The following RGS6 variants were observed in gnomAD, a reference collection of about 807,000 sequenced individuals.
The protein encoded by RGS6 is regulator of G-protein signaling 6.
In RGS6, 30 loss-of-function variants were observed where a neutral mutation model predicts 78.5. The observed-to-expected ratio is 0.38, with a 90% CI of 0.29 to 0.52. The LOEUF is 0.52. Ranked by LOEUF, RGS6 falls within the 20% of genes least tolerant of loss-of-function variation. RGS6 has a pLI of 0.85. For synonymous variants in RGS6, 206 were observed against 206.0 expected, an observed-to-expected ratio of 1.00 and a Z score of 0.00; for missense variants, 495 against 609.7, an observed-to-expected ratio of 0.81 and a Z score of 1.98.
chr14:72,060,313 A>T (rs1394391122), intron 2 of RGS6, among the ~76,000 whole-genome samples: 1 of 150,986 alleles, frequency 6.6e-6, no homozygotes, highest in African/African-American at 2.4e-5. Flanking sequence ...CTCTTCATTT[A>T]CATAATTGCT....
intron 2 of RGS6, among the ~76,000 whole-genome samples, chr14:72,102,871 C>T (rs779582492): frequency 6.6e-6 from 1 of 152,012 alleles, no homozygotes; most frequent in Non-Finnish European, 1.5e-5. Flanking sequence ...TCTACTCGTT[C>T]GTGAAATCAC....
chr14:72,462,746 C>G (rs1266671473), intron 6 of RGS6, among the ~76,000 whole-genome samples: 1 of 152,210 alleles, frequency 6.6e-6, no homozygotes, highest in Non-Finnish European at 1.5e-5. Flanking sequence ...CCATCTCCAT[C>G]ACTAACTAGC....
the RGS6 span, among the ~76,000 whole-genome samples, chr14:72,573,871 G>A: frequency 6.6e-6 from 1 of 152,210 alleles, no homozygotes; most frequent in Non-Finnish European, 1.5e-5. Flanking sequence ...ACGCACGACT[G>A]TGAGCTGATC....
intron 3 of RGS6, among the ~76,000 whole-genome samples, chr14:72,417,325 C>T (rs777378874): frequency 1.3e-5 from 2 of 152,178 alleles, no homozygotes; most frequent in Non-Finnish European, 2.9e-5. Context: ...TAGGAGGGTT[C>T]AGTCCTTCAT....
In RGS6 at chr14:72,458,264, C is replaced by A; in HGVS notation, c.236-7C>A. 6.2e-7 allele frequency: 1 copy of A among 1,607,036 alleles called. No homozygotes were observed. Among genetic ancestry groups the A allele is most frequent in the Non-Finnish European group, 8.5e-7 (1 of 1,173,786 alleles). On this transcript the variant is annotated splice_region_variant and splice_polypyrimidine_tract_variant and intron_variant, in intron 4 of 17. Transcript: ENST00000553525. ...ATTCCTTCTCTCTCTATGCACTGTTCTTACAGTTGAAGCAATACACTTGGG... is the reference window on the plus strand; with the variant it reads ...ATTCCTTCTCTCTCTATGCACTGTTATTACAGTTGAAGCAATACACTTGGG...
At chr14:72,503,209 CA>C (rs1267184864) in intron 13 of RGS6, among the ~76,000 whole-genome samples, 9 of 152,138 alleles carry the variant, frequency 5.9e-5, no homozygotes, top group Non-Finnish European at 1.3e-4. Flanking sequence ...AATTACCTCC[CA>C]AAGGCTTCAC....
chr14:72,484,931 AT>A (rs550497245), intron 12 of RGS6, among the ~76,000 whole-genome samples: 37,082 of 117,938 alleles, frequency 0.31, 4,662 homozygotes, highest in East Asian at 0.58. Flanking sequence ...CATCTGGTAG[AT>A]TTTTTTTTTT....
At chr14:72,122,453 C>T (rs1003207780) in intron 2 of RGS6, among the ~76,000 whole-genome samples, 1 of 152,204 alleles carries the variant, frequency 6.6e-6, no homozygotes, top group Non-Finnish European at 1.5e-5. Flanking sequence ...CAAAGTCACA[C>T]AGCCAGTATG....
chr14:72,276,724 A>G (rs1209586468), intron 2 of RGS6, among the ~76,000 whole-genome samples: 1 of 152,156 alleles, frequency 6.6e-6, no homozygotes, highest in Admixed American at 6.5e-5. Context: ...GCCATGTAAG[A>G]TATTCCTTGC....
At chr14:72,362,584 G>C (rs567707917) in intron 3 of RGS6, among the ~76,000 whole-genome samples, 1 of 152,268 alleles carries the variant, frequency 6.6e-6, no homozygotes, top group South Asian at 2.1e-4. Context: ...TCTTCTCCAT[G>C]TCACCTTGTA....
chr14:72,048,294 T>C (rs758862198), intron 2 of RGS6, among the ~76,000 whole-genome samples: 6 of 152,212 alleles, frequency 3.9e-5, no homozygotes, highest in Non-Finnish European at 5.9e-5. Flanking sequence ...TTAGAATTTT[T>C]CCAAGATTAT....
intron 2 of RGS6, among the ~76,000 whole-genome samples, chr14:72,323,981 A>ACAT (rs2072967222): frequency 6.6e-6 from 1 of 152,018 alleles, no homozygotes; most frequent in Non-Finnish European, 1.5e-5. Flanking sequence ...TGTAATCATC[A>ACAT]CATTAGGGTA....
the RGS6 span, among the ~76,000 whole-genome samples, chr14:71,885,694 C>T: frequency 2.0e-5 from 3 of 152,158 alleles, no homozygotes; most frequent in Non-Finnish European, 4.4e-5. Context: ...AATAATACAG[C>T]GTTCAGTGCA....
chr14:72,453,062 A>C (rs1160369770), intron 3 of RGS6, among the ~76,000 whole-genome samples: 1 of 152,196 alleles, frequency 6.6e-6, no homozygotes, highest in East Asian at 1.9e-4. Context: ...GAATAGCTGA[A>C]GGGCTGTCGC....
At chr14:72,376,939 T>C (rs969667601) in intron 3 of RGS6, among the ~76,000 whole-genome samples, 2 of 151,920 alleles carry the variant, frequency 1.3e-5, no homozygotes, top group African/African-American at 4.8e-5. Context: ...AGAAAAAGAA[T>C]CAGACCATAT....
intron 2 of RGS6, among the ~76,000 whole-genome samples, chr14:72,146,457 A>G (rs967044654): frequency 6.6e-6 from 1 of 152,222 alleles, no homozygotes; most frequent in East Asian, 1.9e-4. Flanking sequence ...CCATAGTCTC[A>G]TCTAAATCAG....
At chr14:71,972,569 T>A (rs2093876937) in intron 2 of RGS6, among the ~76,000 whole-genome samples, 6 of 152,044 alleles carry the variant, frequency 3.9e-5, no homozygotes, top group Admixed American at 3.9e-4. Context: ...TTGTCCAAAG[T>A]GGAGGATGGG....
chr14:72,517,584 T>G (rs1316164371), intron 14 of RGS6, among the ~76,000 whole-genome samples: 1 of 152,250 alleles, frequency 6.6e-6, no homozygotes, highest in Non-Finnish European at 1.5e-5. Context: ...CAGAGAAGTT[T>G]TCAACATATG....
In RGS6 at chr14:71,967,189, G is replaced by GTATATATATATATATATATATA. The variant is rs10571406; in HGVS notation, c.84+2335_84+2336insATATATATATATATATATATAT. Among the ~76,000 whole-genome samples, 326 of 145,738 alleles carry GTATATATATATATATATATATA rather than the reference G, an allele frequency of 2.2e-3. 1 individual carries two copies. Among genetic ancestry groups the GTATATATATATATATATATATA allele is most frequent in the African/African-American group, 7.8e-3 (304 of 38,766 alleles). ...TTCGTGTGACAAACTTGTGTAAAGAGTATATATATATATATATATATGTTC... is the reference window on the plus strand; with the variant it reads ...TTCGTGTGACAAACTTGTGTAAAGAGTATATATATATATATATATATATATATATATATATATATATATGTTC... On this transcript the variant is annotated intron_variant, in intron 2 of 17. Transcript: ENST00000553525.
Sources: allele counts gnomAD v4.1 joint callset (sites outside exome capture counted in the v4.1 genomes callset), GRCh38; gene constraint gnomAD v4.1.1; transcripts MANE v1.5; gene names NCBI Gene and HGNC (gene_info 2026-07-23, HGNC 2026-07-21).